Variants in IQCH observed in about 807,000 individuals in gnomAD.
The protein encoded by IQCH is IQ domain-containing protein H.
IQCH carries 98 observed loss-of-function variants against 117.0 expected under a neutral mutation model. The ratio of observed to expected loss-of-function variants is 0.84; its 90% CI spans 0.71 to 0.99. IQCH has a LOEUF of 0.99. Ranked by LOEUF, IQCH falls within the 50% of genes least tolerant of loss-of-function variation. IQCH has a pLI of 0.00. For synonymous variants in IQCH, 412 were observed against 448.2 expected (o/e 0.92, Z 1.02); for missense variants, 1,102 against 1,243.8 (o/e 0.89, Z 1.72).
At chr15:67,412,205 T>C (rs2081467681) in intron 14 of IQCH, among the ~76,000 whole-genome samples, 1 of 152,236 alleles carries the variant, frequency 6.6e-6, no homozygotes, top group East Asian at 1.9e-4. Flanking sequence ...GTGTATTTTT[T>C]CTAGCACTTG....
chr15:67,465,020 AC>A lies in IQCH; in HGVS notation c.2506-106del. ...ATCTACTCCATTAAGACACATGGTC[AC>A]TGGTTTCACTTAGTCTGATGTAGTT... On this transcript the variant is annotated intron_variant, in intron 16 of 20. Transcript: ENST00000335894. This position sits in a 1 kb window ranked among gnomAD's most constrained non-coding sequence, Gnocchi z 5.9. 1 of 967,788 alleles carries A rather than the reference AC, an allele frequency of 1.0e-6. No individual in the cohort carries two copies. Among genetic ancestry groups the A allele is most frequent in the South Asian group, 1.6e-5 (1 of 63,260 alleles). 60.0% of individuals were successfully genotyped at this position (967,788 alleles called of 1,614,324 possible). A position where few individuals can be genotyped will look rare whatever the true frequency, so the allele number is the denominator to read the frequency against.
Position 67,424,159 on chromosome 15 carries a change from T to G in IQCH, c.2505+2582T>G, listed in dbSNP as rs4776359. ...TCACCCTAACTTGCCCTCTGTTTTG[T>G]TCTGGTCCATCCACACACCCTGTCT... On this transcript the variant is annotated intron_variant, in intron 16 of 20. Transcript: ENST00000335894. The surrounding 1 kb of genome is among the most constrained non-coding windows in gnomAD (Gnocchi z 4.9). Among the ~76,000 whole-genome samples the G allele has an allele frequency of 0.15, 23,494 of 152,098 alleles. 1,874 individuals are homozygous for G. Among genetic ancestry groups the G allele is most frequent in the East Asian group, 0.21 (1,058 of 5,158 alleles).
intron 4 of IQCH, among the ~76,000 whole-genome samples, chr15:67,302,515 A>G (rs1967096200): frequency 6.6e-6 from 1 of 152,188 alleles, no homozygotes; most frequent in Non-Finnish European, 1.5e-5. Context: ...ATCCTTGCCC[A>G]GATTAAATAA....
At chr15:67,324,200 C>T (rs113203559) in intron 4 of IQCH, among the ~76,000 whole-genome samples, 30,583 of 151,564 alleles carry the variant, frequency 0.2, 3,939 homozygotes, top group East Asian at 0.47. Flanking sequence ...CCACCTCAGC[C>T]TCCCAAAGTG....
chr15:67,351,723 C>A (rs1969671077), intron 6 of IQCH, among the ~76,000 whole-genome samples: 1 of 152,132 alleles, frequency 6.6e-6, no homozygotes, highest in Non-Finnish European at 1.5e-5. Flanking sequence ...TGCACACTGT[C>A]CTTCATTATC....
chr15:67,310,593 T>C (rs552919788), intron 4 of IQCH, among the ~76,000 whole-genome samples: 11 of 152,276 alleles, frequency 7.2e-5, no homozygotes, highest in African/African-American at 2.6e-4. Flanking sequence ...TGCATACTTT[T>C]GGCACAGCAT....
At chr15:67,492,388 A>G (rs1224164880) in intron 19 of IQCH, among the ~76,000 whole-genome samples, 2 of 152,172 alleles carry the variant, frequency 1.3e-5, no homozygotes, top group South Asian at 2.1e-4. Context: ...CCTTTTGTAC[A>G]TAGGATGAGG....
In IQCH at chr15:67,500,680, CAA is replaced by C. The variant is rs1343181850; in HGVS notation, c.3021_3022del (p.Lys1007AsnfsTer4). The C allele has an allele frequency of 3.1e-6, 5 of 1,604,186 alleles. No homozygotes were observed. In the South Asian group the frequency reaches 5.5e-5, roughly 18 times the overall value. The stretch of plus-strand genomic sequence containing the variant: ...CTATTCTAAGAGTAACAAAGGAAAA[CAA>C]AATGAGATTTGAAGAGGAGCAACAG... ...ETILRVTKEN[K>X]MRFEEEQQSK... On this transcript the variant is annotated frameshift_variant, in exon 21 of 21. Coordinates refer to ENST00000335894, the MANE Select transcript of IQCH (RefSeq NM_001031715.3). LOFTEE classifies it low-confidence loss of function (END_TRUNC). The surrounding 1 kb of genome is among the most constrained non-coding windows in gnomAD (Gnocchi z 4.4).
chr15:67,267,166 T>C (rs539129217), intron 3 of IQCH, among the ~76,000 whole-genome samples: 18 of 152,306 alleles, frequency 1.2e-4, no homozygotes, highest in African/African-American at 3.9e-4. Flanking sequence ...TGAATGGTAG[T>C]ACAGAGTAAT....
chr15:67,420,720 A>C (rs890526228), intron 15 of IQCH, among the ~76,000 whole-genome samples: 1 of 152,254 alleles, frequency 6.6e-6, no homozygotes, highest in Non-Finnish European at 1.5e-5. Flanking sequence ...CAGAGAGAGC[A>C]TATGTGTTCT....
At chr15:67,378,466 T>C (rs765161959) in intron 10 of IQCH, among the ~76,000 whole-genome samples, 2 of 148,418 alleles carry the variant, frequency 1.3e-5, no homozygotes, top group Non-Finnish European at 3.0e-5. Context: ...ACTAGATCCT[T>C]GGGATAGGTG....
intron 4 of IQCH, among the ~76,000 whole-genome samples, chr15:67,288,985 A>G (rs1966663554): frequency 6.6e-6 from 1 of 152,132 alleles, no homozygotes; most frequent in South Asian, 2.1e-4. Flanking sequence ...AGAGGTGCTC[A>G]CAGTGGAGGA....
intron 18 of IQCH, among the ~76,000 whole-genome samples, chr15:67,487,576 T>A (rs1334252779): frequency 6.6e-6 from 1 of 152,160 alleles, no homozygotes; most frequent in Non-Finnish European, 1.5e-5. Flanking sequence ...AGATTACTGA[T>A]TTTTTCCTTT....
Position 67,480,918 on chromosome 15 carries a change from T to C in IQCH, c.2799+5100T>C, listed in dbSNP as rs147845882. Among the ~76,000 whole-genome samples, 272 of 152,034 alleles carry C rather than the reference T, an allele frequency of 1.8e-3. 1 individual carries two copies. The Middle Eastern group carries it at 0.02, about 11-fold the overall frequency. The stretch of plus-strand genomic sequence containing the variant: ...TATACAAAAAATATGAGCTTCTGAA[T>C]GAATCAGACATCTTGCAAGCAGAAA... On this transcript the variant is annotated intron_variant, in intron 18 of 20. Transcript: ENST00000335894.
chr15:67,341,012 G>C (rs1969146451), intron 5 of IQCH, among the ~76,000 whole-genome samples: 1 of 152,054 alleles, frequency 6.6e-6, no homozygotes, highest in Non-Finnish European at 1.5e-5. Context: ...GGGAGTTTGA[G>C]ACCAGCCTGG....
At chr15:67,278,656 T>C (rs1966226907) in intron 3 of IQCH, among the ~76,000 whole-genome samples, 2 of 152,204 alleles carry the variant, frequency 1.3e-5, no homozygotes, top group African/African-American at 4.8e-5. Context: ...GCTCATTACA[T>C]GTTGGAGTGA....
chr15:67,465,881 G>A lies in IQCH; in HGVS notation c.2676+584G>A, dbSNP rs148589415. Among the ~76,000 whole-genome samples the A allele has an allele frequency of 3.8e-3, 574 of 152,182 alleles. 3 individuals carry two copies. The highest frequency in any genetic ancestry group is 0.013 in the African/African-American group (533 of 41,496). On this transcript the variant is annotated intron_variant, in intron 17 of 20. Transcript: ENST00000335894. This position sits in a 1 kb window ranked among gnomAD's most constrained non-coding sequence, Gnocchi z 5.9. ...TCCACAAAGATAGTGTCTTAGTGTC[G>A]GCTTCCACCATCTCACACCTGTATT...
rs1311763593 is a variant in IQCH at position 67,406,648 on chromosome 15, G to A, written c.2097+6343G>A. 1 of 152,116 alleles carries A rather than the reference G, an allele frequency of 6.6e-6. No individual in the cohort carries two copies. Among genetic ancestry groups the A allele is most frequent in the African/African-American group, 2.4e-5 (1 of 41,412 alleles). 9.4% of individuals were successfully genotyped at this position (152,116 alleles called of 1,614,324 possible). On this transcript the variant is annotated intron_variant, in intron 14 of 20. Coordinates refer to ENST00000335894, the MANE Select transcript of IQCH (RefSeq NM_001031715.3). The surrounding 1 kb of genome is among the most constrained non-coding windows in gnomAD (Gnocchi z 4.5). ...TGCCTTTTAAGCAGAATGAGTGTTG[G>A]AACAGGCTAGTCATTCAGGGTAACT...
Position 67,376,382 on chromosome 15 carries a change from T to G in IQCH, c.1372+2949T>G, listed in dbSNP as rs970240357. ...ATGTACTGGAAGAAAACTAATCTAT[T>G]CAATCTAGTAATTTCATTTCCAAAG... On this transcript the variant is annotated intron_variant, in intron 10 of 20. Transcript: ENST00000335894. The surrounding 1 kb of genome is among the most constrained non-coding windows in gnomAD (Gnocchi z 5.0). 6.6e-6 allele frequency among the ~76,000 whole-genome samples: 1 copy of G among 152,226 alleles called. No homozygotes were observed. Among genetic ancestry groups the G allele is most frequent in the African/African-American group, 2.4e-5 (1 of 41,450 alleles).
Sources: allele counts gnomAD v4.1 joint callset (sites outside exome capture counted in the v4.1 genomes callset), GRCh38; gene constraint gnomAD v4.1.1; non-coding constraint Gnocchi (gnomAD v3.1); transcripts MANE v1.5; gene names NCBI Gene and HGNC (gene_info 2026-07-23, HGNC 2026-07-21).